TEX11: variants seen among roughly 807,000 people sequenced by gnomAD.
TEX11 encodes the protein testis expressed 11, also known as testis-expressed protein 11.
Under a neutral mutation model 84.4 loss-of-function variants are expected in TEX11, and 7 were observed. The observed-to-expected ratio is 0.08, with a 90% CI of 0.05 to 0.16. The LOEUF (loss-of-function observed/expected upper bound fraction) is 0.16. Ranked by LOEUF, TEX11 falls within the 10% of genes least tolerant of loss-of-function variation. The pLI, the probability that TEX11 is intolerant of heterozygous loss-of-function variation, is 1.00. For missense variants in TEX11, 551 were observed against 660.5 expected (o/e 0.83, Z 1.82); for synonymous variants, 264 against 222.8 (o/e 1.18, Z -1.64).
intron 13 of TEX11, among the ~76,000 whole-genome samples, chrX:70,708,951 C>T (rs770824839): frequency 2.7e-5 from 3 of 109,498 alleles, no homozygotes; most frequent in African/African-American, 6.6e-5. Context: ...AACTCCTTTT[C>T]CCATCTCAAG....
chrX:70,789,655 A>T lies in TEX11; in HGVS notation c.692+17050T>A, dbSNP rs1216096282. 3.6e-5 allele frequency among the ~76,000 whole-genome samples: 4 copies of T among 112,407 alleles called. No individual in the cohort carries two copies. The East Asian group carries it at 8.3e-4, about 23-fold the overall frequency. ...CGAAAGATAACAAGAGTTGGCAAGG[A>T]TGTGAAAAAAGGAAACCCTTGTACA... On this transcript the variant is annotated intron_variant, in intron 9 of 29. Coordinates refer to ENST00000374333, the MANE Select transcript of TEX11 (RefSeq NM_031276.3).
chrX:70,605,381 C>T lies in TEX11; in HGVS notation c.2067+20G>A, dbSNP rs774538755. ...ATAGCACACTGAACTCTTGTCTTTT[C>T]TTTGAAGGTTGCACATTACCTGTTC... On this transcript the variant is annotated intron_variant, in intron 24 of 29. Transcript: ENST00000374333. 1 of 1,078,309 alleles carries T rather than the reference C, an allele frequency of 9.3e-7. No individual in the cohort carries two copies. The highest frequency in any genetic ancestry group is 1.3e-6 in the Non-Finnish European group (1 of 779,355). The allele number at this position is 1,078,309 out of a possible 1,213,427, so 88.9% of individuals were successfully genotyped here.
intron 9 of TEX11, among the ~76,000 whole-genome samples, chrX:70,776,597 C>T (rs1271260650): frequency 9.2e-6 from 1 of 108,923 alleles, no homozygotes; most frequent in Admixed American, 9.9e-5. Context: ...GAATGAGATA[C>T]AGTCATTTGC....
intron 21 of TEX11, 69 bp from the exon 22 acceptor site, chrX:70,609,246 C>G (rs1341573024): frequency 1.0e-6 from 1 of 957,267 alleles, no homozygotes; most frequent in Non-Finnish European, 1.4e-6. Flanking sequence ...TTTAATCCTG[C>G]TTTAAGAACA....
intron 9 of TEX11, among the ~76,000 whole-genome samples, chrX:70,788,440 T>C (rs182950283): frequency 9.0e-6 from 1 of 110,650 alleles, no homozygotes; most frequent in Non-Finnish European, 1.9e-5. Flanking sequence ...ACAAATGATG[T>C]TGGGAAAGCT....
chrX:70,819,134 C>T (rs953594517), intron 8 of TEX11, among the ~76,000 whole-genome samples: 28 of 111,281 alleles, frequency 2.5e-4, no homozygotes, highest in African/African-American at 8.8e-4. Flanking sequence ...GACAAGGACA[C>T]CAGAAGAAAA....
rs759572859 is a variant in TEX11, at chrX:70,732,122, C to G, written c.844-6779G>C. On this transcript the variant is annotated intron_variant, in intron 11 of 29. Transcript: ENST00000374333. ...TCAACAACCCTTCATGCTAAAAACT[C>G]TGAATAAATTAGGTATTGATGGGAT... Among the ~76,000 whole-genome samples, 9 of 111,607 alleles carry G rather than the reference C, an allele frequency of 8.1e-5. No individual in the cohort carries two copies. The East Asian group carries it at 2.2e-3, about 28-fold the overall frequency.
intron 25 of TEX11, among the ~76,000 whole-genome samples, chrX:70,582,764 G>A (rs868520332): frequency 3.3e-5 from 1 of 30,566 alleles, no homozygotes; most frequent in African/African-American, 2.0e-4. Flanking sequence ...ATTTATTTAT[G>A]TGATGGAATC....
At chrX:70,752,895 TG>T (rs1377422661) in intron 9 of TEX11, among the ~76,000 whole-genome samples, 3 of 110,274 alleles carry the variant, frequency 2.7e-5, no homozygotes, top group Non-Finnish European at 5.7e-5. Flanking sequence ...TGCTGTATGC[TG>T]GGGGAAGGAG....
intron 9 of TEX11, among the ~76,000 whole-genome samples, chrX:70,782,814 C>A (rs1174930640): frequency 1.8e-5 from 2 of 110,247 alleles, no homozygotes; most frequent in African/African-American, 3.3e-5. Context: ...AATACAGGAG[C>A]ATCCATATTC....
intron 28 of TEX11, among the ~76,000 whole-genome samples, chrX:70,535,117 G>A (rs1015868460): frequency 8.9e-6 from 1 of 112,068 alleles, no homozygotes; most frequent in Non-Finnish European, 1.9e-5. Context: ...ATGTTTTCAA[G>A]GTTTATCCAT....
chrX:70,694,676 T>TTA (rs749306808), intron 13 of TEX11, among the ~76,000 whole-genome samples: 1 of 112,121 alleles, frequency 8.9e-6, no homozygotes, highest in South Asian at 3.7e-4. Context: ...TAGCACTGTA[T>TTA]TAGTCTATTT....
intron 17 of TEX11, among the ~76,000 whole-genome samples, chrX:70,641,682 G>A (rs1245437094): frequency 6.3e-5 from 7 of 111,026 alleles, no homozygotes; most frequent in South Asian, 7.8e-4. Flanking sequence ...GGTACATAAC[G>A]AAATGAAGAC....
chrX:70,870,108 T>C (rs895456678), intron 4 of TEX11, among the ~76,000 whole-genome samples: 5 of 111,845 alleles, frequency 4.5e-5, no homozygotes, highest in African/African-American at 1.6e-4. Flanking sequence ...TGAAATTGAA[T>C]TGACTTTAGA....
chrX:70,682,799 G>C lies in TEX11; in HGVS notation c.1031C>G (p.Thr344Arg). Reference sequence around the variant, plus strand: ...TGACTTAAAACGTTCATGAATAATCGTCAGGAAATGAAACCCAACAGATTC... The same window carrying C: ...TGACTTAAAACGTTCATGAATAATCCTCAGGAAATGAAACCCAACAGATTC... The part of the protein sequence containing the change: ...ERESVGFHFL[T>R]IIHERFKSSE... The change falls in exon 14 of 30, where the codon ACG becomes AGG. Residue 344 changes from threonine to arginine, a missense_variant. Thr to Arg is a moderately conservative substitution (Grantham distance 71, BLOSUM62 -1). Transcript: ENST00000374333. 8.3e-7 allele frequency: 1 copy of C among 1,208,588 alleles called. No individual in the cohort carries two copies. The highest frequency in any genetic ancestry group is 1.1e-6 in the Non-Finnish European group (1 of 894,246).
chrX:70,683,621 GA>G (rs1220292269), intron 13 of TEX11, among the ~76,000 whole-genome samples: 1 of 111,026 alleles, frequency 9.0e-6, no homozygotes, highest in East Asian at 2.8e-4. Flanking sequence ...GGCCCTGTCT[GA>G]AAAAAACCCC....
At chrX:70,519,144 A>G in the TEX11 span, among the ~76,000 whole-genome samples, 1 of 111,774 alleles carries the variant, frequency 8.9e-6, no homozygotes, top group African/African-American at 3.3e-5. Context: ...TGTGAATTTG[A>G]TCCCATCATT....
Position 70,812,126 on chromosome X carries a change from C to T in TEX11, c.607-5336G>A, listed in dbSNP as rs1016515704. On this transcript the variant is annotated intron_variant, in intron 8 of 29. Coordinates refer to ENST00000374333, the MANE Select transcript of TEX11 (RefSeq NM_031276.3). ...CATGCCTATGTCCTGAATGGTATTG[C>T]CTAGGTTTTCTTCTAGGCAATACCA... is the stretch of plus-strand genomic sequence containing the variant. Among the ~76,000 whole-genome samples, 6 of 111,072 alleles carry T rather than the reference C, an allele frequency of 5.4e-5. No individual in the cohort carries two copies. In the Admixed American group the frequency reaches 5.8e-4, roughly 11 times the overall value.
At chrX:70,611,959 GACC>G (rs2089266165) in intron 20 of TEX11, among the ~76,000 whole-genome samples, 2 of 110,887 alleles carry the variant, frequency 1.8e-5, no homozygotes, top group African/African-American at 6.6e-5. Flanking sequence ...AACACAGTGA[GACC>G]ACATTTCTAC....
Sources: allele counts gnomAD v4.1 joint callset (sites outside exome capture counted in the v4.1 genomes callset), GRCh38; gene constraint gnomAD v4.1.1; transcripts MANE v1.5; gene names NCBI Gene and HGNC (gene_info 2026-07-23, HGNC 2026-07-21).